Variants in CADM2 observed in about 807,000 individuals in gnomAD.
The protein encoded by CADM2 is cell adhesion molecule 2.
A neutral mutation model predicts 49.8 loss-of-function variants in CADM2; 12 were observed. The observed-to-expected ratio is 0.24, with a 90% CI of 0.15 to 0.39. The LOEUF is 0.39. Among genes scored for constraint, CADM2 ranks in the 10% least tolerant of loss-of-function variants. The pLI is 1.00. For synonymous variants in CADM2, 214 were observed against 175.4 expected (o/e 1.22, Z -1.74); for missense variants, 378 against 492.3 (o/e 0.77, Z 2.20).
chr3:85,166,767 A>G (rs1295027259), intron 1 of CADM2, among the ~76,000 whole-genome samples: 3 of 151,956 alleles, frequency 2.0e-5, no homozygotes, highest in African/African-American at 7.2e-5. Flanking sequence ...ATGCTTTCTC[A>G]TCAATAGGGA....
chr3:85,270,654 A>G (rs1012941265), intron 1 of CADM2, among the ~76,000 whole-genome samples: 1 of 151,088 alleles, frequency 6.6e-6, no homozygotes, highest in Non-Finnish European at 1.5e-5. Flanking sequence ...CTGATTTCCC[A>G]TCAACCCTAA....
At chr3:85,419,188 G>T (rs1176488524) in intron 1 of CADM2, among the ~76,000 whole-genome samples, 1 of 152,180 alleles carries the variant, frequency 6.6e-6, no homozygotes, top group Non-Finnish European at 1.5e-5. Flanking sequence ...GGGAGTGGTG[G>T]CTCACGCCTG....
intron 3 of CADM2, among the ~76,000 whole-genome samples, chr3:85,837,042 T>C (rs1167239673): frequency 6.6e-6 from 1 of 151,640 alleles, no homozygotes; most frequent in Non-Finnish European, 1.5e-5. Context: ...TATAGTTCAA[T>C]GAATTTTTTT....
intron 1 of CADM2, among the ~76,000 whole-genome samples, chr3:85,036,687 G>A (rs1410676054): frequency 6.6e-6 from 1 of 151,926 alleles, no homozygotes; most frequent in African/African-American, 2.4e-5. Flanking sequence ...GCTTTTAATG[G>A]CAAAAACTAC....
intron 2 of CADM2, among the ~76,000 whole-genome samples, chr3:85,750,484 C>A (rs947124459): frequency 1.3e-5 from 2 of 151,934 alleles, no homozygotes; most frequent in African/African-American, 4.8e-5. Context: ...TTCTATGATT[C>A]AATGAAGAAC....
chr3:85,165,866 T>A (rs965278050), intron 1 of CADM2, among the ~76,000 whole-genome samples: 2 of 151,800 alleles, frequency 1.3e-5, no homozygotes, highest in African/African-American at 4.8e-5. Context: ...TGGATTTGTA[T>A]CAACTGTCTT....
At chr3:85,486,781 C>A (rs752761061) in intron 1 of CADM2, among the ~76,000 whole-genome samples, 1 of 151,994 alleles carries the variant, frequency 6.6e-6, no homozygotes, top group African/African-American at 2.4e-5. Context: ...AATCTAGATA[C>A]CTTACTGAAT....
chr3:85,044,101 G>A (rs75686757), intron 1 of CADM2, among the ~76,000 whole-genome samples: 90 of 152,096 alleles, frequency 5.9e-4, no homozygotes, highest in Non-Finnish European at 1.1e-3. Context: ...CAACCACCTT[G>A]CTTCACCTTA....
intron 1 of CADM2, among the ~76,000 whole-genome samples, chr3:85,476,084 A>G (rs2038962655): frequency 6.6e-6 from 1 of 151,924 alleles, no homozygotes; most frequent in Admixed American, 6.6e-5. Flanking sequence ...ATTAAACACT[A>G]CTTCAAATGA....
intron 3 of CADM2, among the ~76,000 whole-genome samples, chr3:85,839,875 G>T (rs866624982): frequency 6.6e-6 from 1 of 151,928 alleles, no homozygotes; most frequent in East Asian, 1.9e-4. Context: ...ATTGCCATCT[G>T]AGAGTTCCGA....
At chr3:85,597,705 T>A (rs1275433610) in intron 1 of CADM2, among the ~76,000 whole-genome samples, 1 of 152,064 alleles carries the variant, frequency 6.6e-6, no homozygotes, top group Non-Finnish European at 1.5e-5. Context: ...AAGTGCATCT[T>A]AAAATCTGAA....
chr3:85,801,931 T>G, intron 2 of CADM2, 116 bp from the exon 3 acceptor site: 1 of 794,810 alleles, frequency 1.3e-6, no homozygotes, highest in Non-Finnish European at 1.9e-6. Context: ...AGTTTTGTCG[T>G]TGTTTGGTTG....
intron 1 of CADM2, among the ~76,000 whole-genome samples, chr3:85,591,398 A>G (rs76940567): frequency 0.017 from 2,375 of 136,546 alleles, 65 homozygotes; most frequent in African/African-American, 0.058. Flanking sequence ...TGCAGTTTAA[A>G]TATAATTGCA....
intron 1 of CADM2, among the ~76,000 whole-genome samples, chr3:85,554,795 G>A (rs1038786721): frequency 1.1e-5 from 1 of 90,896 alleles, no homozygotes; most frequent in Non-Finnish European, 2.9e-5. Context: ...CTGAGCTCAG[G>A]CAATCCTCCC....
At chr3:85,642,621 A>G (rs902933153) in intron 1 of CADM2, among the ~76,000 whole-genome samples, 2 of 152,196 alleles carry the variant, frequency 1.3e-5, no homozygotes, top group African/African-American at 2.4e-5. Context: ...ATTTGCTCAG[A>G]TAACCTAACT....
intron 1 of CADM2, among the ~76,000 whole-genome samples, chr3:85,543,181 A>T (rs976254715): frequency 1.3e-5 from 2 of 152,124 alleles, no homozygotes; most frequent in Admixed American, 1.3e-4. Context: ...AATGTACAAA[A>T]CAACAGGTAC....
intron 1 of CADM2, among the ~76,000 whole-genome samples, chr3:85,514,306 T>C (rs577070877): frequency 1.3e-5 from 2 of 152,210 alleles, no homozygotes; most frequent in South Asian, 4.1e-4. Context: ...TCACGTTTTG[T>C]AATATGCCTC....
intron 1 of CADM2, among the ~76,000 whole-genome samples, chr3:85,515,577 C>T (rs2060875445): frequency 7.0e-6 from 1 of 143,536 alleles, no homozygotes; most frequent in Admixed American, 6.8e-5. Context: ...AGAGTGCCAC[C>T]ACGCCCTACA....
chr3:85,436,629 A>G (rs1023962120), intron 1 of CADM2, among the ~76,000 whole-genome samples: 6 of 152,194 alleles, frequency 3.9e-5, no homozygotes, highest in Admixed American at 3.3e-4. Context: ...TTATGTTAAA[A>G]TAAACCAGAA....
Sources: gnomAD v4.1 joint callset for allele counts (sites outside exome capture counted in the v4.1 genomes callset) on GRCh38, gnomAD v4.1.1 for gene constraint, MANE v1.5 for transcripts, NCBI Gene and HGNC (gene_info 2026-07-23, HGNC 2026-07-21) for gene names.